The following LRMDA variants were observed in gnomAD, a reference collection of about 807,000 sequenced individuals.
The protein encoded by LRMDA is leucine-rich melanocyte differentiation-associated protein.
In LRMDA, 18 loss-of-function variants were observed where a neutral mutation model predicts 29.8. The ratio of observed to expected loss-of-function variants is 0.60; its 90% CI spans 0.42 to 0.90. The LOEUF (loss-of-function observed/expected upper bound fraction) is 0.90. LRMDA is among the 40% of genes least tolerant of loss of function. The probability of loss-of-function intolerance (pLI) is 0.00; values close to 1 mark genes in which losing one functional copy is unlikely to be tolerated. For missense variants in LRMDA, 273 were observed against 273.9 expected, an observed-to-expected ratio of 1.00 and a Z score of 0.02; for synonymous variants, 125 against 109.4, an observed-to-expected ratio of 1.14 and a Z score of -0.89.
chr10:76,229,439 G>T (rs1283580713), intron 5 of LRMDA, among the ~76,000 whole-genome samples: 2 of 152,222 alleles, frequency 1.3e-5, no homozygotes, highest in Non-Finnish European at 1.5e-5. Flanking sequence ...GTCTGTCTGG[G>T]CTCTGAGTGT....
chr10:76,351,293 A>G (rs1419671408), intron 6 of LRMDA, among the ~76,000 whole-genome samples: 1 of 152,142 alleles, frequency 6.6e-6, no homozygotes, highest in African/African-American at 2.4e-5. Context: ...CAGGGAGAAT[A>G]TTCGAATTCC....
At chr10:76,315,751 C>A (rs1840687884) in intron 5 of LRMDA, among the ~76,000 whole-genome samples, 1 of 152,130 alleles carries the variant, frequency 6.6e-6, no homozygotes, top group South Asian at 2.1e-4. Context: ...ACCTTCAAGC[C>A]AGGGATGGCT....
At chr10:75,585,120 C>T (rs1278011835) in intron 2 of LRMDA, among the ~76,000 whole-genome samples, 4 of 152,188 alleles carry the variant, frequency 2.6e-5, no homozygotes, top group African/African-American at 9.7e-5. Context: ...AACCAGAGAC[C>T]TCTCCTCTTG....
chr10:76,548,198 G>A (rs898061339), intron 6 of LRMDA, among the ~76,000 whole-genome samples: 9 of 152,164 alleles, frequency 5.9e-5, no homozygotes, highest in African/African-American at 2.2e-4. Flanking sequence ...CCAAAAGCCA[G>A]TTGGAACCTT....
At chr10:75,518,894 A>G (rs1181438066) in intron 2 of LRMDA, among the ~76,000 whole-genome samples, 1 of 152,188 alleles carries the variant, frequency 6.6e-6, no homozygotes, top group Non-Finnish European at 1.5e-5. Flanking sequence ...AGATTCTGGT[A>G]CATGCTGTGT....
chr10:76,085,641 T>C (rs1213270938), intron 5 of LRMDA, among the ~76,000 whole-genome samples: 3 of 152,086 alleles, frequency 2.0e-5, no homozygotes, highest in Non-Finnish European at 2.9e-5. Context: ...GGAGAGTCGG[T>C]CTCTTTCCTG....
intron 2 of LRMDA, among the ~76,000 whole-genome samples, chr10:75,821,640 G>A (rs1347846041): frequency 6.6e-6 from 1 of 152,022 alleles, no homozygotes; most frequent in Non-Finnish European, 1.5e-5. Context: ...GTGGTGGTGG[G>A]TGCCTGTAGT....
In LRMDA at chr10:76,036,026, C is replaced by A; in HGVS notation, c.150C>A (p.Ser50Arg). The A allele has an allele frequency of 1.9e-6, 3 of 1,613,882 alleles. No individual in the cohort carries two copies. In the South Asian group the frequency reaches 3.3e-5, roughly 18 times the overall value. ...ATTGCAGGTCACTGGAAGGACTGAG[C>A]GCATTCAGGAGCCTGGAGGAACTCA... ...FNLLRSLEGLSAFRSLEELIL... is the reference protein window; with the variant it reads ...FNLLRSLEGLRAFRSLEELIL... The change falls in exon 3 of 7, where the codon AGC (serine) becomes AGA (arginine). Residue 50 changes from serine to arginine, a missense_variant. Transcript: ENST00000611255.
intron 2 of LRMDA, among the ~76,000 whole-genome samples, chr10:75,937,701 G>A (rs529589475): frequency 9.2e-5 from 14 of 152,258 alleles, no homozygotes; most frequent in South Asian, 2.1e-4. Flanking sequence ...GGTTTCTTAC[G>A]ACTTCACTTC....
chr10:75,567,119 C>G (rs1840381940), intron 2 of LRMDA, among the ~76,000 whole-genome samples: 1 of 152,146 alleles, frequency 6.6e-6, no homozygotes, highest in African/African-American at 2.4e-5. Context: ...TCTTCTCTCT[C>G]TCTCTCTCTT....
At chr10:76,255,103 C>G (rs1295471339) in intron 5 of LRMDA, among the ~76,000 whole-genome samples, 1 of 152,140 alleles carries the variant, frequency 6.6e-6, no homozygotes, top group Non-Finnish European at 1.5e-5. Context: ...GGCTTTCCCC[C>G]CAGACCTTTT....
chr10:76,456,306 T>G (rs890336699), intron 6 of LRMDA, among the ~76,000 whole-genome samples: 4 of 152,278 alleles, frequency 2.6e-5, no homozygotes, highest in African/African-American at 9.6e-5. Context: ...AATGTTCCAC[T>G]CTGAAGTTTT....
intron 5 of LRMDA, among the ~76,000 whole-genome samples, chr10:76,292,596 A>C (rs1840355364): frequency 6.6e-6 from 1 of 152,272 alleles, no homozygotes; most frequent in Non-Finnish European, 1.5e-5. Flanking sequence ...GATTGACTAC[A>C]CTGATGAAAT....
intron 6 of LRMDA, among the ~76,000 whole-genome samples, chr10:76,450,368 T>G (rs2132299136): frequency 1.3e-5 from 2 of 152,226 alleles, no homozygotes; most frequent in South Asian, 4.1e-4. Context: ...TTTGTAGGAT[T>G]TTAAATTTAT....
intron 2 of LRMDA, among the ~76,000 whole-genome samples, chr10:75,525,769 C>A (rs1236095132): frequency 1.3e-5 from 2 of 151,502 alleles, no homozygotes; most frequent in Non-Finnish European, 2.9e-5. Context: ...CTCCTCAAAT[C>A]ATCTTCTCTC....
At chr10:75,540,502 C>T (rs1840002511) in intron 2 of LRMDA, among the ~76,000 whole-genome samples, 1 of 152,140 alleles carries the variant, frequency 6.6e-6, no homozygotes, top group Non-Finnish European at 1.5e-5. Context: ...TAGCACCTGG[C>T]CAAACAGGCT....
chr10:75,455,439 C>A (rs1052732175), intron 2 of LRMDA, among the ~76,000 whole-genome samples: 3 of 152,152 alleles, frequency 2.0e-5, no homozygotes, highest in African/African-American at 7.2e-5. Flanking sequence ...GGAGATAAGG[C>A]TAATACAGGT....
intron 2 of LRMDA, among the ~76,000 whole-genome samples, chr10:75,802,954 G>GTA (rs1172110612): frequency 3.3e-4 from 42 of 127,560 alleles, no homozygotes; most frequent in African/African-American, 6.5e-4. Flanking sequence ...GTGTGTGTGT[G>GTA]TATATATATA....
At chr10:76,341,526 G>A (rs1042671353) in intron 6 of LRMDA, among the ~76,000 whole-genome samples, 2 of 152,056 alleles carry the variant, frequency 1.3e-5, no homozygotes, top group African/African-American at 4.8e-5. Flanking sequence ...CAGTTAGTAC[G>A]GCTGTGTAAC....
Sources: allele counts gnomAD v4.1 joint callset (sites outside exome capture counted in the v4.1 genomes callset), GRCh38; gene constraint gnomAD v4.1.1; transcripts MANE v1.5; gene names NCBI Gene and HGNC (gene_info 2026-07-23, HGNC 2026-07-21).